The following CHAD variants were observed in gnomAD, a reference collection of about 807,000 sequenced individuals.
CHAD encodes chondroadherin, also known as cartilage leucine-rich protein.
In CHAD, 18 loss-of-function variants were observed where a neutral mutation model predicts 24.0. The ratio of observed to expected loss-of-function variants is 0.75; its 90% confidence interval spans 0.52 to 1.11. The LOEUF (loss-of-function observed/expected upper bound fraction) is 1.11. Ranked by LOEUF, CHAD falls within the 50% of genes most tolerant of loss-of-function variation. The pLI is 0.00. For missense variants in CHAD, 440 were observed against 467.2 expected, an observed-to-expected ratio of 0.94 and a Z score of 0.54; for synonymous variants, 195 against 211.6, an observed-to-expected ratio of 0.92 and a Z score of 0.68.
At position 50,468,298 on chromosome 17, in the gene CHAD, G is replaced by A; in HGVS notation, c.516C>T (p.Asp172=). 1 of 1,613,736 alleles carries A rather than the reference G, an allele frequency of 6.2e-7. No individual in the cohort carries two copies. Among genetic ancestry groups the A allele is most frequent in the South Asian group, 1.1e-5 (1 of 91,074 alleles). ...LRAGAFQGAK[D]LRWLYLSENA... ...TTTCCGACAGGTAGAGCCAGCGCAG[G>A]TCCTTGGCTCCCTGGAAGGCGCCTG... The change falls in exon 1 of 4, where the codon GAC becomes GAT. Residue 172 remains aspartate (D), a synonymous_variant. Coordinates refer to ENST00000508540, the MANE Select transcript of CHAD (RefSeq NM_001267.3).
At chr17:50,467,952 G>A (rs1430291458) in intron 1 of CHAD, 88 bp downstream of exon 1, 8 of 1,385,832 alleles carry the variant, frequency 5.8e-6, no homozygotes, top group Middle Eastern at 1.9e-4. Flanking sequence ...ACCTGGGGAC[G>A]GGGGATGGTG....
intron 1 of CHAD, among the ~76,000 whole-genome samples, chr17:50,467,101 GC>G (rs1459431962): frequency 2.3e-4 from 35 of 152,216 alleles, no homozygotes; most frequent in African/African-American, 8.2e-4. Context: ...CCTGGCTGAA[GC>G]CCCTGTACCA....
intron 2 of CHAD, 112 bp from the exon 3 acceptor site, chr17:50,465,551 C>T: frequency 2.0e-6 from 3 of 1,482,704 alleles, no homozygotes; most frequent in East Asian, 2.3e-5. Flanking sequence ...CTGAAGCTGT[C>T]ATCTTCATTT....
chr17:50,465,731 G>A lies in CHAD; in HGVS notation c.914C>T (p.Thr305Ile). ...LALTNNPWKCTCQLRGLRRWL... is the reference protein window; with the variant it reads ...LALTNNPWKCICQLRGLRRWL... ...CCGCCGAAGGCCCCGGAGCTGGCAG[G>A]TACACTTCCAGGGGTTATTGGTAAG... Residue 305 changes from threonine (T) to isoleucine (I), a missense_variant, in exon 2 of 4, where the codon ACC becomes ATC. Thr to Ile is a moderately conservative substitution (Grantham distance 89, BLOSUM62 -1). Coordinates refer to ENST00000508540, the MANE Select transcript of CHAD (RefSeq NM_001267.3). The A allele has an allele frequency of 2.5e-6, 4 of 1,613,686 alleles. No individual in the cohort carries two copies. The highest frequency in any genetic ancestry group is 3.4e-6 in the Non-Finnish European group (4 of 1,179,958).
rs754989939 is a variant in CHAD, at chr17:50,465,417, G to A, written c.961C>T (p.Arg321Cys). Residue 321 changes from arginine to cysteine, a missense_variant, in exon 3 of 4, where the codon CGC becomes TGC. Coordinates refer to ENST00000508540, the MANE Select transcript of CHAD (RefSeq NM_001267.3). ...LRRWLEAKASRPDATCASPAK... is the reference protein window; with the variant it reads ...LRRWLEAKASCPDATCASPAK... ...GGTGAGGCACAGGTGGCATCTGGGC[G>A]GGAGGCCTTGGCTTCCAGCCACCTG... 36 of 1,613,858 alleles carry A rather than the reference G, an allele frequency of 2.2e-5. No individual in the cohort carries two copies. Among genetic ancestry groups the A allele is most frequent in the South Asian group, 3.3e-5 (3 of 91,072 alleles).
Position 50,468,726 on chromosome 17 carries a change from G to A in CHAD, c.88C>T (p.His30Tyr). The change falls in exon 1 of 4, where the codon CAC becomes TAC. Residue 30 changes from histidine to tyrosine, a missense_variant. Transcript: ENST00000508540. ...CAGATGACGTGCTGCAGGTCGCTGT[G>A]GCAGTGGCAGTTCTGGGGGCAGGCG... ...LAACPQNCHC[H>Y]SDLQHVICDK... 6.2e-7 allele frequency: 1 copy of A among 1,610,732 alleles called. No homozygotes were observed. Among genetic ancestry groups the A allele is most frequent in the South Asian group, 1.1e-5 (1 of 90,986 alleles).
rs777297196 is a variant in CHAD at position 50,468,300 on chromosome 17, C to T, written c.514G>A (p.Asp172Asn). The T allele has an allele frequency of 2.7e-5, 44 of 1,613,874 alleles. No homozygotes were observed. Among genetic ancestry groups the T allele is most frequent in the Non-Finnish European group, 3.6e-5 (42 of 1,179,800 alleles). The change falls in exon 1 of 4, where the codon GAC becomes AAC. Residue 172 changes from aspartate to asparagine, a missense_variant. By Grantham distance (23) the Asp-to-Asn change is conservative. Coordinates refer to ENST00000508540, the MANE Select transcript of CHAD (RefSeq NM_001267.3). ...LRAGAFQGAKDLRWLYLSENA... is the reference protein window; with the variant it reads ...LRAGAFQGAKNLRWLYLSENA... ...TCCGACAGGTAGAGCCAGCGCAGGT[C>T]CTTGGCTCCCTGGAAGGCGCCTGCG...
chr17:50,464,774 G>A lies in CHAD; in HGVS notation c.*280C>T. ...TGTTGTGGTTCTGATTGACTTGGGG[G>A]GGGGGTCTCAGCAACAGCTTCTCCA... On this transcript the variant is annotated 3_prime_UTR_variant, in exon 4 of 4. Transcript: ENST00000508540. 2 of 333,128 alleles carry A rather than the reference G, an allele frequency of 6.0e-6. 1 individual carries two copies. The highest frequency in any genetic ancestry group is 1.2e-5 in the Non-Finnish European group (2 of 169,560). The allele number at this position is 333,128 out of a possible 1,614,324, so 20.6% of individuals were successfully genotyped here. A position where few individuals can be genotyped will look rare whatever the true frequency, so the allele number is the denominator to read the frequency against.
At chr17:50,466,073 CT>C (rs10707664) in intron 1 of CHAD, among the ~76,000 whole-genome samples, 32,430 of 119,722 alleles carry the variant, frequency 0.27, 3,979 homozygotes, top group Middle Eastern at 0.33. Flanking sequence ...GTGTTATTTT[CT>C]TTTTTTTTTT....
chr17:50,466,902 G>A (rs1227430313), intron 1 of CHAD, among the ~76,000 whole-genome samples: 1 of 152,210 alleles, frequency 6.6e-6, no homozygotes, highest in Non-Finnish European at 1.5e-5. Context: ...AACTTCAGCT[G>A]GGGAGAGGCA....
In CHAD at chr17:50,464,770, G is replaced by GC. The variant is rs1555611949; in HGVS notation, c.*283_*284insG. On this transcript the variant is annotated 3_prime_UTR_variant, in exon 4 of 4. Coordinates refer to ENST00000508540, the MANE Select transcript of CHAD (RefSeq NM_001267.3). ...AACCTGTTGTGGTTCTGATTGACTT[G>GC]GGGGGGGGGTCTCAGCAACAGCTTC... is the stretch of plus-strand genomic sequence containing the variant. 6 of 163,350 alleles carry GC rather than the reference G, an allele frequency of 3.7e-5. No homozygotes were observed. The highest frequency in any genetic ancestry group is 1.6e-4 in the East Asian group (1 of 6,116). 10.1% of individuals were successfully genotyped at this position (163,350 alleles called of 1,614,324 possible). A position where few individuals can be genotyped will look rare whatever the true frequency, so the allele number is the denominator to read the frequency against.
At chr17:50,465,909 T>G (rs1259426589) in intron 1 of CHAD, 39 bp from the exon 2 acceptor site, 2 of 1,610,932 alleles carry the variant, frequency 1.2e-6, no homozygotes, top group Non-Finnish European at 1.7e-6. Context: ...AGCAAGGTGG[T>G]CATGAGTGAA....
Position 50,468,520 on chromosome 17 carries a change from G to A in CHAD, c.294C>T (p.Leu98=), listed in dbSNP as rs1272096658. 1.2e-6 allele frequency: 2 copies of A among 1,614,256 alleles called. No individual in the cohort carries two copies. The highest frequency in any genetic ancestry group is 8.5e-7 in the Non-Finnish European group (1 of 1,180,046). Residue 98 remains leucine, a synonymous_variant, in exon 1 of 4, where the codon CTC becomes CTT. Transcript: ENST00000508540. ...REVAAGAFRG[L]KQLIYLYLSH... is the part of the protein sequence containing the mutation. The stretch of plus-strand genomic sequence containing the variant: ...ACAGGTACAAGTAGATAAGTTGCTT[G>A]AGGCCGCGGAAGGCACCGGCGGCCA...
Position 50,465,861 on chromosome 17 carries a change from C to A in CHAD, c.784G>T (p.Gly262Cys). ...AGCGTGGTTACACCCAGGAAGGCAC[C>A]ATCTGAGAACTGGGGAGCAAGGTGG... ...DNTNLEKFSDGAFLGVTTLKH... is the reference protein window; with the variant it reads ...DNTNLEKFSDCAFLGVTTLKH... Residue 262 changes from glycine (G) to cysteine (C), a missense_variant, in exon 2 of 4, where the codon GGT (glycine) becomes TGT (cysteine). Physicochemically the swap from Gly to Cys is radical, Grantham distance 159 (BLOSUM62 -3). Coordinates refer to ENST00000508540, the MANE Select transcript of CHAD (RefSeq NM_001267.3). 1 of 1,613,760 alleles carries A rather than the reference C, an allele frequency of 6.2e-7. No individual in the cohort carries two copies. The highest frequency in any genetic ancestry group is 8.5e-7 in the Non-Finnish European group (1 of 1,179,942).
rs1414302177 is a variant in CHAD at position 50,468,842 on chromosome 17, G to A, written c.-29C>T. The A allele has an allele frequency of 6.9e-7, 1 of 1,459,510 alleles. No homozygotes were observed. The highest frequency in any genetic ancestry group is 2.5e-5 in the East Asian group (1 of 40,004). 90.4% of individuals were successfully genotyped at this position (1,459,510 alleles called of 1,614,324 possible). ...TGGGACGCCTGGGGCCGGGGCTGGG[G>A]GCAGCAGCGGCGGCGGGGCGCGGGC... On this transcript the variant is annotated 5_prime_UTR_variant, in exon 1 of 4. Coordinates refer to ENST00000508540, the MANE Select transcript of CHAD (RefSeq NM_001267.3).
At chr17:50,466,994 T>C (rs1326723516) in intron 1 of CHAD, among the ~76,000 whole-genome samples, 3 of 152,062 alleles carry the variant, frequency 2.0e-5, no homozygotes, top group African/African-American at 7.2e-5. Flanking sequence ...TCTGCCCACA[T>C]CTCCACACCC....
At chr17:50,466,088 T>C (rs2032696243) in intron 1 of CHAD, among the ~76,000 whole-genome samples, 1 of 146,200 alleles carries the variant, frequency 6.8e-6, no homozygotes, top group Non-Finnish European at 1.5e-5. Flanking sequence ...TTTTTTTTTT[T>C]TCCTTTTTTT....
intron 1 of CHAD, among the ~76,000 whole-genome samples, chr17:50,467,628 G>T (rs900065313): frequency 6.6e-6 from 1 of 152,192 alleles, no homozygotes; most frequent in African/African-American, 2.4e-5. Context: ...AGCTCCTCTG[G>T]AAGGCTCCTC....
At chr17:50,467,843 C>T (rs1746745580) in intron 1 of CHAD, 197 bp downstream of exon 1, 1 of 563,752 alleles carries the variant, frequency 1.8e-6, no homozygotes, top group East Asian at 3.0e-5. Flanking sequence ...GGGCAGTGGT[C>T]GAGACTGGCA....
Sources: allele counts gnomAD v4.1 joint callset (sites outside exome capture counted in the v4.1 genomes callset), GRCh38; gene constraint gnomAD v4.1.1; transcripts MANE v1.5; gene names NCBI Gene and HGNC (gene_info 2026-07-23, HGNC 2026-07-21).